Variants in RPS6KA6 observed in about 807,000 individuals in gnomAD.
RPS6KA6 encodes the protein ribosomal protein S6 kinase alpha-6.
A neutral mutation model predicts 65.4 loss-of-function variants in RPS6KA6; 27 were observed. That is an observed-to-expected ratio of 0.41 (90% CI 0.30 to 0.57). RPS6KA6 has a LOEUF of 0.57. Ranked by LOEUF, RPS6KA6 falls within the 20% of genes least tolerant of loss-of-function variation. The pLI, the probability that RPS6KA6 is intolerant of heterozygous loss-of-function variation, is 0.24. For synonymous variants in RPS6KA6, 190 were observed against 184.2 expected (o/e 1.03, Z -0.26); for missense variants, 486 against 555.6 (o/e 0.87, Z 1.26).
chrX:84,155,262 C>T (rs989161412), intron 3 of RPS6KA6, among the ~76,000 whole-genome samples: 2 of 111,272 alleles, frequency 1.8e-5, no homozygotes, highest in African/African-American at 6.5e-5. Flanking sequence ...TATAAATAAC[C>T]TATGCTCAAT....
chrX:84,147,159 TAACTTCCTA>T (rs1394641040), intron 4 of RPS6KA6, 101 bp from the exon 5 acceptor site: 10 of 501,227 alleles, frequency 2.0e-5, no homozygotes, highest in Non-Finnish European at 2.9e-5. Flanking sequence ...ATACAAAACG[TAACTTCCTA>T]AATGCCGAAA....
intron 3 of RPS6KA6, among the ~76,000 whole-genome samples, chrX:84,155,073 A>C (rs2035393342): frequency 9.1e-6 from 1 of 109,545 alleles, no homozygotes; most frequent in South Asian, 4.0e-4. Flanking sequence ...GTGGTGGTGC[A>C]CACCTGTAGT....
At chrX:84,148,594 G>C (rs575599365) in intron 3 of RPS6KA6, among the ~76,000 whole-genome samples, 1 of 111,140 alleles carries the variant, frequency 9.0e-6, no homozygotes. Flanking sequence ...TGATGTAAGA[G>C]ATAAATAACA....
intron 2 of RPS6KA6, among the ~76,000 whole-genome samples, chrX:84,159,105 A>T (rs6622936): frequency 0.061 from 6,791 of 110,825 alleles, 226 homozygotes; most frequent in East Asian, 0.2. Context: ...TAGCTACTTA[A>T]CACTTTTATC....
intron 20 of RPS6KA6, among the ~76,000 whole-genome samples, chrX:84,083,734 C>T (rs1235692350): frequency 8.9e-6 from 1 of 112,028 alleles, no homozygotes; most frequent in African/African-American, 3.2e-5. Flanking sequence ...TGGGTATATA[C>T]CCAGTAATGG....
intron 20 of RPS6KA6, among the ~76,000 whole-genome samples, chrX:84,081,237 GA>G (rs1175211137): frequency 9.0e-6 from 1 of 110,517 alleles, no homozygotes; most frequent in Non-Finnish European, 1.9e-5. Context: ...TATTAAAGAG[GA>G]AAAGAGAGAA....
intron 2 of RPS6KA6, among the ~76,000 whole-genome samples, chrX:84,161,690 G>A (rs1388269244): frequency 2.7e-5 from 3 of 111,607 alleles, no homozygotes; most frequent in Non-Finnish European, 5.7e-5. Flanking sequence ...ACAGACACAT[G>A]TCAAGAATGG....
chrX:84,175,663 T>C (rs2035754623), intron 1 of RPS6KA6, among the ~76,000 whole-genome samples: 1 of 111,392 alleles, frequency 9.0e-6, no homozygotes, highest in Non-Finnish European at 1.9e-5. Context: ...TTAGTGAACC[T>C]GTGAATAATG....
At chrX:84,162,292 T>A (rs2035527320) in intron 2 of RPS6KA6, among the ~76,000 whole-genome samples, 1 of 111,259 alleles carries the variant, frequency 9.0e-6, no homozygotes, top group Admixed American at 9.5e-5. Context: ...CGTAGCTGTA[T>A]ATTTAAAAAA....
intron 8 of RPS6KA6, 64 bp downstream of exon 8, chrX:84,134,718 T>G (rs1352470341): frequency 1.0e-5 from 8 of 763,890 alleles, no homozygotes; most frequent in Non-Finnish European, 1.5e-5. Flanking sequence ...TTAGACAAAT[T>G]TATATTAAAA....
intron 8 of RPS6KA6, among the ~76,000 whole-genome samples, chrX:84,124,181 C>G: frequency 9.0e-6 from 1 of 111,283 alleles, no homozygotes; most frequent in African/African-American, 3.3e-5. Context: ...TCAAGAAGGA[C>G]AGGTACAAAC....
At chrX:84,183,807 C>T (rs896825292) in intron 1 of RPS6KA6, among the ~76,000 whole-genome samples, 5 of 110,545 alleles carry the variant, frequency 4.5e-5, no homozygotes, top group Non-Finnish European at 9.5e-5. Flanking sequence ...CCTAAACCAC[C>T]ACCACCCCCA....
chrX:84,148,588 G>T (rs1368335098), intron 3 of RPS6KA6, among the ~76,000 whole-genome samples: 1 of 111,130 alleles, frequency 9.0e-6, no homozygotes, highest in Non-Finnish European at 1.9e-5. Context: ...ATTTTGTGAT[G>T]TAAGAGATAA....
Position 84,176,283 on chromosome X carries a change from T to G in RPS6KA6, c.81+11536A>C, listed in dbSNP as rs753002453. Among the ~76,000 whole-genome samples, 10 of 112,133 alleles carry G rather than the reference T, an allele frequency of 8.9e-5. No individual in the cohort carries two copies. The South Asian group carries it at 3.7e-3, about 41-fold the overall frequency. On this transcript the variant is annotated intron_variant, in intron 1 of 21. Coordinates refer to ENST00000262752, the MANE Select transcript of RPS6KA6 (RefSeq NM_014496.5). ...CACTGGCTGTCTGGCCAGTCTCATA[T>G]GGGCTACAACACATGCATTTGGGAA...
intron 3 of RPS6KA6, among the ~76,000 whole-genome samples, chrX:84,155,528 T>C (rs1013691276): frequency 8.9e-6 from 1 of 112,251 alleles, no homozygotes; most frequent in African/African-American, 3.2e-5. Context: ...TAGTTATTCT[T>C]ACTCAATTTT....
intron 5 of RPS6KA6, among the ~76,000 whole-genome samples, chrX:84,146,098 A>G (rs2035194182): frequency 9.0e-6 from 1 of 111,584 alleles, no homozygotes; most frequent in South Asian, 3.7e-4. Flanking sequence ...TCTTGAGGTC[A>G]AAAAGTGTTT....
At chrX:84,147,773 G>A (rs2879879) in intron 4 of RPS6KA6, among the ~76,000 whole-genome samples, 6,940 of 111,701 alleles carry the variant, frequency 0.062, 231 homozygotes, top group East Asian at 0.2. Context: ...CTTGAAAGAA[G>A]AGAATATATC....
chrX:84,127,836 G>A (rs868469356), intron 8 of RPS6KA6, among the ~76,000 whole-genome samples: 3 of 109,708 alleles, frequency 2.7e-5, no homozygotes, highest in African/African-American at 6.6e-5. Flanking sequence ...CATAATCAAA[G>A]CCATATATGA....
intron 1 of RPS6KA6, 26 bp from the exon 2 acceptor site, chrX:84,164,413 G>A (rs1364334306): frequency 3.7e-6 from 4 of 1,085,648 alleles, no homozygotes; most frequent in Admixed American, 2.3e-5. Flanking sequence ...CAAAAATTGA[G>A]GTTCAAAAGT....
Sources: gnomAD v4.1 joint callset for allele counts (sites outside exome capture counted in the v4.1 genomes callset) on GRCh38, gnomAD v4.1.1 for gene constraint, MANE v1.5 for transcripts, NCBI Gene and HGNC (gene_info 2026-07-23, HGNC 2026-07-21) for gene names.